Variants in FANCC observed in about 807,000 individuals in gnomAD.
FANCC encodes Fanconi anemia group C protein.
A neutral mutation model predicts 71.3 loss-of-function variants in FANCC; 55 were observed. The observed-to-expected ratio is 0.77, with a 90% CI of 0.62 to 0.97. FANCC has a LOEUF of 0.97. FANCC is among the 50% of genes least tolerant of loss of function. FANCC has a pLI of 0.00. For synonymous variants in FANCC, 275 were observed against 244.9 expected (o/e 1.12, Z -1.15); for missense variants, 678 against 670.9 (o/e 1.01, Z -0.12).
intron 1 of FANCC, among the ~76,000 whole-genome samples, chr9:95,306,511 C>T (rs1588446791): frequency 1.3e-5 from 2 of 152,322 alleles, no homozygotes; most frequent in East Asian, 3.9e-4. Context: ...CATCGAACTA[C>T]TGGTGCAACA....
intron 1 of FANCC, among the ~76,000 whole-genome samples, chr9:95,270,720 A>T (rs1385315992): frequency 3.3e-5 from 5 of 152,266 alleles, no homozygotes; most frequent in Non-Finnish European, 7.3e-5. Flanking sequence ...TATTTAACAT[A>T]TTTAACATAG....
At chr9:95,138,564 G>A (rs1416657052) in intron 7 of FANCC, among the ~76,000 whole-genome samples, 1 of 152,232 alleles carries the variant, frequency 6.6e-6, no homozygotes, top group Non-Finnish European at 1.5e-5. Flanking sequence ...GCTTTGACCA[G>A]CTTTCCTCAT....
chr9:95,107,395 C>G, intron 13 of FANCC, 126 bp from the exon 14 acceptor site: 1 of 1,032,292 alleles, frequency 9.7e-7, no homozygotes, highest in South Asian at 1.4e-5. Flanking sequence ...AGAGAGGGAG[C>G]TAGGCAGCGG....
intron 1 of FANCC, among the ~76,000 whole-genome samples, chr9:95,305,973 G>GT (rs1386984654): frequency 1.3e-5 from 2 of 152,126 alleles, no homozygotes; most frequent in South Asian, 4.1e-4. Flanking sequence ...TGCTAGATTT[G>GT]TAACAGCTGC....
At chr9:95,292,394 C>A in intron 1 of FANCC, 1 of 1,040,168 alleles carries the variant, frequency 9.6e-7, no homozygotes, top group South Asian at 4.5e-5. Context: ...CGGCGGGTGC[C>A]CGCGCCGTCC....
At chr9:95,118,835 T>C (rs2072644559) in intron 10 of FANCC, among the ~76,000 whole-genome samples, 1 of 152,246 alleles carries the variant, frequency 6.6e-6, no homozygotes, top group Non-Finnish European at 1.5e-5. Context: ...GCATTTGGGC[T>C]GCTTCCAGTT....
Position 95,135,191 on chromosome 9 carries a change from T to C in FANCC, c.843+155A>G, listed in dbSNP as rs564680061. Among the ~76,000 whole-genome samples, 3 of 152,318 alleles carry C rather than the reference T, an allele frequency of 2.0e-5. No individual in the cohort carries two copies. The South Asian group carries it at 6.2e-4, about 32-fold the overall frequency. Reference sequence around the variant, plus strand: ...AAGGATGCAGAAAAGCCCCCTATGTTAGTGATTTCAAAAATAAAATGTAAA... The same window carrying C: ...AAGGATGCAGAAAAGCCCCCTATGTCAGTGATTTCAAAAATAAAATGTAAA... On this transcript the variant is annotated intron_variant, in intron 8 of 14. Coordinates refer to ENST00000289081, the MANE Select transcript of FANCC (RefSeq NM_000136.3).
chr9:95,172,207 G>T, intron 4 of FANCC, 60 bp from the exon 5 acceptor site: 2 of 1,053,374 alleles, frequency 1.9e-6, no homozygotes, highest in Non-Finnish European at 2.9e-6. Flanking sequence ...TGCCTTTTAT[G>T]TACAATGCCT....
chr9:95,162,034 G>A (rs1329734611), intron 6 of FANCC, among the ~76,000 whole-genome samples: 1 of 152,132 alleles, frequency 6.6e-6, no homozygotes, highest in Non-Finnish European at 1.5e-5. Context: ...TAGAGATGGA[G>A]TTTCGCCGTG....
At chr9:95,246,660 G>A (rs1343091317) in intron 3 of FANCC, among the ~76,000 whole-genome samples, 1 of 152,144 alleles carries the variant, frequency 6.6e-6, no homozygotes, top group Non-Finnish European at 1.5e-5. Flanking sequence ...TGAAGTAAGT[G>A]TATTAAAGGG....
intron 1 of FANCC, chr9:95,293,155 T>C (rs1368498270): frequency 6.8e-6 from 11 of 1,612,970 alleles, no homozygotes; most frequent in Middle Eastern, 1.6e-4. Flanking sequence ...TGAAGACTCT[T>C]GTGGCTCTAA....
chr9:95,160,089 T>C (rs376675117), intron 6 of FANCC, among the ~76,000 whole-genome samples: 1 of 152,242 alleles, frequency 6.6e-6, no homozygotes, highest in Non-Finnish European at 1.5e-5. Context: ...GTTTTAGTCA[T>C]GAAGTCCTTG....
At chr9:95,229,171 G>A (rs574870307) in intron 4 of FANCC, among the ~76,000 whole-genome samples, 19 of 152,086 alleles carry the variant, frequency 1.2e-4, no homozygotes, top group Non-Finnish European at 2.5e-4. Flanking sequence ...GGTGGCAGGC[G>A]CCTGTAATCC....
At chr9:95,296,682 A>T (rs923591110) in intron 1 of FANCC, among the ~76,000 whole-genome samples, 2 of 152,248 alleles carry the variant, frequency 1.3e-5, no homozygotes, top group Non-Finnish European at 2.9e-5. Context: ...AAACAAACAC[A>T]GTCATGTGTT....
intron 1 of FANCC, among the ~76,000 whole-genome samples, chr9:95,308,772 C>T (rs992032014): frequency 4.6e-5 from 7 of 152,114 alleles, no homozygotes; most frequent in African/African-American, 1.7e-4. Flanking sequence ...AATGAAGATA[C>T]CTGAAACTTT....
At chr9:95,203,314 G>A (rs1352979751) in intron 4 of FANCC, among the ~76,000 whole-genome samples, 2 of 144,492 alleles carry the variant, frequency 1.4e-5, no homozygotes, top group African/African-American at 2.6e-5. Flanking sequence ...TGGAAGGATC[G>A]CTTGAGCCCA....
chr9:95,148,261 A>G (rs992153941), intron 7 of FANCC, among the ~76,000 whole-genome samples: 4 of 152,222 alleles, frequency 2.6e-5, no homozygotes, highest in Non-Finnish European at 4.4e-5. Flanking sequence ...CTTCTGCTTC[A>G]TAACAAAAAA....
chr9:95,275,235 G>A (rs1394065735), intron 1 of FANCC, among the ~76,000 whole-genome samples: 1 of 152,008 alleles, frequency 6.6e-6, no homozygotes. Context: ...AGTGAGCTAT[G>A]ATTGTGCCAC....
At chr9:95,285,058 T>C (rs1309063278) in intron 1 of FANCC, among the ~76,000 whole-genome samples, 2 of 151,714 alleles carry the variant, frequency 1.3e-5, no homozygotes, top group African/African-American at 2.4e-5. Flanking sequence ...TAGAAGAACA[T>C]GAAGATAAAT....
Sources: allele counts gnomAD v4.1 joint callset (sites outside exome capture counted in the v4.1 genomes callset), GRCh38; gene constraint gnomAD v4.1.1; transcripts MANE v1.5; gene names NCBI Gene and HGNC (gene_info 2026-07-23, HGNC 2026-07-21).